CACNA1E: variants seen among roughly 807,000 people sequenced by gnomAD.
CACNA1E encodes the protein calcium voltage-gated channel subunit alpha1 E.
A neutral mutation model predicts 259.2 loss-of-function variants in CACNA1E; 40 were observed. The ratio of observed to expected loss-of-function variants is 0.15; its 90% confidence interval spans 0.12 to 0.20. CACNA1E has a LOEUF of 0.20. Among genes scored for constraint, CACNA1E ranks in the 10% least tolerant of loss-of-function variants. The probability of loss-of-function intolerance (pLI) is 1.00; values close to 1 mark genes in which losing one functional copy is unlikely to be tolerated. For missense variants in CACNA1E, 1,874 were observed against 3,040.1 expected (o/e 0.62, Z 9.02); for synonymous variants, 1,104 against 1,138.5 (o/e 0.97, Z 0.61).
At chr1:181,376,490 G>A (rs1406277047) in intron 1 of CACNA1E, among the ~76,000 whole-genome samples, 1 of 152,166 alleles carries the variant, frequency 6.6e-6, no homozygotes, top group Non-Finnish European at 1.5e-5. Flanking sequence ...TCCTCCCTGA[G>A]TCTCTAAGAG....
rs1191689497 is a variant in CACNA1E, at chr1:181,801,247, A to T, written c.*2413A>T. On this transcript the variant is annotated 3_prime_UTR_variant, in exon 48 of 48. Coordinates refer to ENST00000367573, the MANE Select transcript of CACNA1E (RefSeq NM_001205293.3). ...TTTTGAGAAAGGGAATTTTAGTGAC[A>T]CCTTATGCCATTTCAAGAGGAGAAA... 1 of 152,662 alleles carries T rather than the reference A, an allele frequency of 6.6e-6. No individual in the cohort carries two copies. 9.5% of individuals were successfully genotyped at this position (152,662 alleles called of 1,614,324 possible).
At position 181,397,349 on chromosome 1, in the gene CACNA1E, G is replaced by C. The variant is rs571891576; in HGVS notation, c.-14-15784G>C. ...TGAGTTTTTTGTTTATTTCCAGGCCGGAGTGCAGTGGCACGATCTTAGCTC... is the reference window on the plus strand; with the variant it reads ...TGAGTTTTTTGTTTATTTCCAGGCCCGAGTGCAGTGGCACGATCTTAGCTC... On this transcript the variant is annotated intron_variant, in intron 1 of 11. Transcript: ENST00000524607. Among the ~76,000 whole-genome samples, 257 of 152,228 alleles carry C rather than the reference G, an allele frequency of 1.7e-3. 2 individuals carry two copies. Among genetic ancestry groups the C allele is most frequent in the African/African-American group, 5.9e-3 (247 of 41,530 alleles).
chr1:181,590,898 A>G (rs958596530), intron 6 of CACNA1E, among the ~76,000 whole-genome samples: 11 of 152,164 alleles, frequency 7.2e-5, no homozygotes, highest in African/African-American at 2.7e-4. Flanking sequence ...TTTTTAAAAT[A>G]TATCTTTTAA....
At chr1:181,357,778 T>A (rs551508235) in intron 1 of CACNA1E, among the ~76,000 whole-genome samples, 1 of 152,180 alleles carries the variant, frequency 6.6e-6, no homozygotes, top group African/African-American at 2.4e-5. Flanking sequence ...CTAGATGCCA[T>A]GAACATCCAG....
chr1:181,620,789 A>G (rs1162149710), intron 6 of CACNA1E, among the ~76,000 whole-genome samples: 1 of 152,228 alleles, frequency 6.6e-6, no homozygotes, highest in African/African-American at 2.4e-5. Context: ...TAGGTGCCAT[A>G]AAGTCAGGAA....
intron 1 of CACNA1E, among the ~76,000 whole-genome samples, chr1:181,410,023 T>A (rs747126849): frequency 3.3e-5 from 5 of 151,974 alleles, no homozygotes; most frequent in Non-Finnish European, 7.4e-5. Flanking sequence ...GGAGCCTTTG[T>A]CACAGACAGA....
At chr1:181,363,169 C>G (rs1413861367) in intron 1 of CACNA1E, among the ~76,000 whole-genome samples, 1 of 152,144 alleles carries the variant, frequency 6.6e-6, no homozygotes, top group Non-Finnish European at 1.5e-5. Context: ...TATAAAGAAG[C>G]CTAAAATCTC....
At chr1:181,364,728 G>A (rs1385770656) in intron 1 of CACNA1E, among the ~76,000 whole-genome samples, 1 of 152,164 alleles carries the variant, frequency 6.6e-6, no homozygotes, top group African/African-American at 2.4e-5. Flanking sequence ...ATGTTGAGGC[G>A]ATATACAATA....
chr1:181,760,524 G>A (rs916171137), intron 32 of CACNA1E, among the ~76,000 whole-genome samples: 18 of 152,212 alleles, frequency 1.2e-4, no homozygotes, highest in South Asian at 4.1e-4. Context: ...ACAATGAAAG[G>A]CAATAGAATT....
At chr1:181,338,083 C>CT (rs951617078) in intron 1 of CACNA1E, among the ~76,000 whole-genome samples, 2 of 151,822 alleles carry the variant, frequency 1.3e-5, no homozygotes, top group Non-Finnish European at 2.9e-5. Context: ...CCATTGTGGG[C>CT]TTTTTTTTGT....
intron 1 of CACNA1E, among the ~76,000 whole-genome samples, chr1:181,361,928 C>T (rs1653911442): frequency 6.6e-6 from 1 of 152,206 alleles, no homozygotes; most frequent in Admixed American, 6.5e-5. Context: ...ACATACTACT[C>T]AGCATAGTAT....
intron 25 of CACNA1E, among the ~76,000 whole-genome samples, chr1:181,745,744 C>G (rs1225467006): frequency 6.6e-6 from 1 of 152,000 alleles, no homozygotes; most frequent in Non-Finnish European, 1.5e-5. Flanking sequence ...CCACCAGCTC[C>G]AAGGCCTTCT....
At chr1:181,440,311 G>T (rs1660377291) in intron 2 of CACNA1E, among the ~76,000 whole-genome samples, 1 of 152,170 alleles carries the variant, frequency 6.6e-6, no homozygotes, top group South Asian at 2.1e-4. Flanking sequence ...ACCCAATCCT[G>T]CTTATTGATG....
At chr1:181,452,898 A>G (rs1231633567) in intron 2 of CACNA1E, among the ~76,000 whole-genome samples, 1 of 152,114 alleles carries the variant, frequency 6.6e-6, no homozygotes, top group Non-Finnish European at 1.5e-5. Flanking sequence ...CTTTTTCTAG[A>G]TTCCTGGCAC....
chr1:181,568,232 T>C (rs538966682), intron 3 of CACNA1E, among the ~76,000 whole-genome samples: 131 of 152,284 alleles, frequency 8.6e-4, no homozygotes, highest in African/African-American at 3.1e-3. Context: ...TCTGGAGAGC[T>C]GCCTGGCCTC....
intron 2 of CACNA1E, among the ~76,000 whole-genome samples, chr1:181,417,165 A>T (rs1271935818): frequency 6.6e-6 from 1 of 152,092 alleles, no homozygotes; most frequent in Non-Finnish European, 1.5e-5. Flanking sequence ...TACTGCATCC[A>T]CAAGACACTG....
chr1:181,319,017 C>G (rs922496945), intron 1 of CACNA1E, among the ~76,000 whole-genome samples: 2 of 152,216 alleles, frequency 1.3e-5, no homozygotes, highest in African/African-American at 4.8e-5. Flanking sequence ...CACTAACCCA[C>G]CGACGTCTCC....
chr1:181,642,835 G>C (rs996614427), intron 6 of CACNA1E, among the ~76,000 whole-genome samples: 1 of 152,182 alleles, frequency 6.6e-6, no homozygotes, highest in Admixed American at 6.5e-5. Context: ...GCCCCCCAGA[G>C]CATCTGCCTC....
At chr1:181,491,707 C>T (rs371639796) in intron 1 of CACNA1E, among the ~76,000 whole-genome samples, 9 of 152,184 alleles carry the variant, frequency 5.9e-5, no homozygotes, top group East Asian at 5.8e-4. Flanking sequence ...AAATATATGT[C>T]ATTATCAACT....
Sources: gnomAD v4.1 joint callset for allele counts (sites outside exome capture counted in the v4.1 genomes callset) on GRCh38, gnomAD v4.1.1 for gene constraint, MANE v1.5 for transcripts, NCBI Gene and HGNC (gene_info 2026-07-23, HGNC 2026-07-21) for gene names.